TRIM15: variants seen among roughly 807,000 people sequenced by gnomAD.
TRIM15 encodes tripartite motif containing 15.
A neutral mutation model predicts 35.8 loss-of-function variants in TRIM15; 35 were observed. The observed-to-expected ratio is 0.98, with a 90% CI of 0.75 to 1.30. TRIM15 has a LOEUF of 1.30. TRIM15 is among the 50% of genes most tolerant of loss of function. TRIM15 has a pLI of 0.00. For synonymous variants in TRIM15, 252 were observed against 249.8 expected, an observed-to-expected ratio of 1.01 and a Z score of -0.08; for missense variants, 590 against 593.5, an observed-to-expected ratio of 0.99 and a Z score of 0.06.
intron 6 of TRIM15, among the ~76,000 whole-genome samples, chr6:30,171,397 G>A (rs932813008): frequency 2.6e-5 from 4 of 152,084 alleles, no homozygotes; most frequent in African/African-American, 9.7e-5. Context: ...CTACTGATTT[G>A]AACAAAAAAT....
intron 4 of TRIM15, 60 bp downstream of exon 4, chr6:30,169,323 G>A (rs1773849878): frequency 1.2e-6 from 2 of 1,605,768 alleles, no homozygotes; most frequent in African/African-American, 1.3e-5. Flanking sequence ...AATGGGAAGG[G>A]GCAGGGGCAC....
chr6:30,168,647 G>T (rs1011517134), intron 3 of TRIM15, 117 bp downstream of exon 3: 1 of 1,002,134 alleles, frequency 1.0e-6, no homozygotes, highest in Admixed American at 2.0e-5. Context: ...GGTTAACGGG[G>T]TGCAGATCCA....
rs185244143 is a variant in TRIM15 at position 30,165,324 on chromosome 6, C to A, written c.381+1259C>A. Among the ~76,000 whole-genome samples, 433 of 152,188 alleles carry A rather than the reference C, an allele frequency of 2.8e-3. 3 individuals are homozygous for A. Among genetic ancestry groups the A allele is most frequent in the African/African-American group, 0.01 (419 of 41,528 alleles). ...TGTGTCCATGTGTTCTCATTGTTCACCTCCCACTTATGAGTAAGAACATGT... is the reference window on the plus strand; with the variant it reads ...TGTGTCCATGTGTTCTCATTGTTCAACTCCCACTTATGAGTAAGAACATGT... On this transcript the variant is annotated intron_variant, in intron 1 of 6. Transcript: ENST00000376694.
At chr6:30,165,429 G>T (rs1446171808) in intron 1 of TRIM15, among the ~76,000 whole-genome samples, 1 of 152,196 alleles carries the variant, frequency 6.6e-6, no homozygotes, top group African/African-American at 2.4e-5. Context: ...CAAAGGACAT[G>T]AACACATCTT....
intron 6 of TRIM15, 85 bp from the exon 7 acceptor site, chr6:30,171,747 C>T: frequency 1.4e-6 from 2 of 1,433,908 alleles, no homozygotes; most frequent in Non-Finnish European, 1.8e-6. Context: ...GTCCAGTACT[C>T]CTTCTGCCTC....
chr6:30,167,485 C>T (rs1345176788), intron 2 of TRIM15, among the ~76,000 whole-genome samples: 1 of 152,220 alleles, frequency 6.6e-6, no homozygotes, highest in African/African-American at 2.4e-5. Context: ...TCTTGTATAT[C>T]ACATTTTACA....
At position 30,172,292 on chromosome 6, in the gene TRIM15, A is replaced by G. The variant is rs1063279; in HGVS notation, c.1341A>G (p.Lys447=). 1 of 1,612,864 alleles carries G rather than the reference A, an allele frequency of 6.2e-7. No individual in the cohort carries two copies. Residue 447 remains lysine (K), a synonymous_variant, in exon 7 of 7, where the codon AAA becomes AAG. Transcript: ENST00000376694. ...CCTTCACTGCCTCTTTCTCCGGCAA[A>G]GTCTTCCCTTTCTTTGCCGTCTGGA... The part of the protein sequence containing the change: ...IFTFTASFSG[K]VFPFFAVWKK...
At position 30,172,507 on chromosome 6, in the gene TRIM15, CT is replaced by C; in HGVS notation, c.*160del. On this transcript the variant is annotated 3_prime_UTR_variant, in exon 7 of 7. Transcript: ENST00000376694. ...CAGCGGTTGTTTTTACTTTATTTATCTTAGGCCCTCAGCTCCCTGACGTCCT... is the reference window on the plus strand; with the variant it reads ...CAGCGGTTGTTTTTACTTTATTTATCTAGGCCCTCAGCTCCCTGACGTCCT... 1 of 1,113,686 alleles carries C rather than the reference CT, an allele frequency of 9.0e-7. No individual in the cohort carries two copies. The highest frequency in any genetic ancestry group is 1.3e-6 in the Non-Finnish European group (1 of 779,868). 69.0% of individuals were successfully genotyped at this position (1,113,686 alleles called of 1,614,324 possible). A position where few individuals can be genotyped will look rare whatever the true frequency, so the allele number is the denominator to read the frequency against.
Position 30,169,900 on chromosome 6 carries a change from G to A in TRIM15, c.732-601G>A, listed in dbSNP as rs1227649277. ...CAGGGAGGATAAACCCAGGGTCCAT[G>A]AATCAGGAAGTGTCTCCAAACATGC... On this transcript the variant is annotated intron_variant, in intron 4 of 6. Coordinates refer to ENST00000376694, the MANE Select transcript of TRIM15 (RefSeq NM_033229.3). 5 of 200,602 alleles carry A rather than the reference G, an allele frequency of 2.5e-5. No homozygotes were observed. The East Asian group carries it at 7.4e-4, about 30-fold the overall frequency. The allele number at this position is 200,602 out of a possible 1,614,324, so 12.4% of individuals were successfully genotyped here. A position where few individuals can be genotyped will look rare whatever the true frequency, so the allele number is the denominator to read the frequency against.
intron 6 of TRIM15, among the ~76,000 whole-genome samples, chr6:30,171,626 G>A (rs113728904): frequency 1.1e-3 from 175 of 152,344 alleles, no homozygotes; most frequent in African/African-American, 3.7e-3. Context: ...AGGTGGTGGG[G>A]ATGCTGCTGG....
intron 2 of TRIM15, 37 bp downstream of exon 2, chr6:30,167,308 G>A (rs756974646): frequency 1.5e-5 from 23 of 1,573,972 alleles, no homozygotes; most frequent in Non-Finnish European, 2.0e-5. Context: ...TTCCTTTGAA[G>A]GTTTTCTTAA....
At position 30,172,216 on chromosome 6, in the gene TRIM15, A is replaced by T. The variant is rs766319104; in HGVS notation, c.1265A>T (p.Glu422Val). The change falls in exon 7 of 7, where the codon GAG (glutamate) becomes GTG (valine). Residue 422 changes from glutamate to valine, a missense_variant. Transcript: ENST00000376694. ...PRGVRVALDYEAGQVTLHNAQ... is the reference protein window; with the variant it reads ...PRGVRVALDYVAGQVTLHNAQ... Reference sequence around the variant, plus strand: ...GGCGTGAGAGTCGCCCTGGACTACGAGGCGGGGCAGGTGACCCTCCACAAC... The same window carrying T: ...GGCGTGAGAGTCGCCCTGGACTACGTGGCGGGGCAGGTGACCCTCCACAAC... 4 of 1,611,840 alleles carry T rather than the reference A, an allele frequency of 2.5e-6. No homozygotes were observed. The highest frequency in any genetic ancestry group is 3.4e-6 in the Non-Finnish European group (4 of 1,179,580).
Position 30,172,106 on chromosome 6 carries a change from C to A in TRIM15, c.1155C>A (p.Gly385=). The change falls in exon 7 of 7, where the codon GGC becomes GGA. Residue 385 remains glycine, a synonymous_variant. Coordinates refer to ENST00000376694, the MANE Select transcript of TRIM15 (RefSeq NM_033229.3). ...KGEMGLSAED[G]VWAVIISHQQ... is the part of the protein sequence containing the mutation. Reference sequence around the variant, plus strand: ...AGATGGGACTCAGCGCCGAGGACGGCGTCTGGGCCGTGATCATCTCGCACC... The same window carrying A: ...AGATGGGACTCAGCGCCGAGGACGGAGTCTGGGCCGTGATCATCTCGCACC... 1 of 1,577,724 alleles carries A rather than the reference C, an allele frequency of 6.3e-7. No individual in the cohort carries two copies.
chr6:30,168,418 G>A lies in TRIM15; in HGVS notation c.596G>A (p.Trp199Ter), dbSNP rs1285548907. The A allele has an allele frequency of 6.2e-7, 1 of 1,612,908 alleles. No homozygotes were observed. Among genetic ancestry groups the A allele is most frequent in the South Asian group, 1.1e-5 (1 of 91,036 alleles). The part of the protein sequence containing the change: ...ARLRELEQQI[W>*]KERDEYITKV... Reference sequence around the variant, plus strand: ...CTGAGGGAGCTGGAGCAGCAGATTTGGAAGGAGAGGGATGAATATATCACA... The same window carrying A: ...CTGAGGGAGCTGGAGCAGCAGATTTAGAAGGAGAGGGATGAATATATCACA... The change falls in exon 3 of 7, where the codon TGG becomes TAG. Residue 199 changes from tryptophan to a stop codon, truncating the protein, a stop_gained. Coordinates refer to ENST00000376694, the MANE Select transcript of TRIM15 (RefSeq NM_033229.3). LOFTEE classifies it high-confidence loss of function.
At position 30,172,627 on chromosome 6, in the gene TRIM15, G is replaced by A. The variant is rs988096294; in HGVS notation, c.*278G>A. On this transcript the variant is annotated 3_prime_UTR_variant, in exon 7 of 7. Transcript: ENST00000376694. ...GCCTAGGGCAACAGCCAACCTAGGA[G>A]CCAGCGGGCTTTCGGGGAAAAAAAA... The A allele has an allele frequency of 2.5e-5, 17 of 669,288 alleles. No homozygotes were observed. Among genetic ancestry groups the A allele is most frequent in the East Asian group, 8.4e-5 (3 of 35,792 alleles). 41.5% of individuals were successfully genotyped at this position (669,288 alleles called of 1,614,324 possible). A position where few individuals can be genotyped will look rare whatever the true frequency, so the allele number is the denominator to read the frequency against.
At chr6:30,170,664 C>T (rs946742881) in intron 5 of TRIM15, 48 bp downstream of exon 5, 1 of 1,443,640 alleles carries the variant, frequency 6.9e-7, no homozygotes, top group Non-Finnish European at 9.6e-7. Context: ...TAGCTGCCCT[C>T]CTGTCTTCCA....
At position 30,168,441 on chromosome 6, in the gene TRIM15, A is replaced by T. The variant is rs369181343; in HGVS notation, c.619A>T (p.Thr207Ser). 386 of 1,612,548 alleles carry T rather than the reference A, an allele frequency of 2.4e-4. 28 individuals carry two copies. The highest frequency in any genetic ancestry group is 1.6e-3 in the East Asian group (72 of 44,872). Reference sequence around the variant, plus strand: ...TTGGAAGGAGAGGGATGAATATATCACAAAGGTCTCTGAGGAAGTCACCCG... The same window carrying T: ...TTGGAAGGAGAGGGATGAATATATCTCAAAGGTCTCTGAGGAAGTCACCCG... ...QIWKERDEYI[T>S]KVSEEVTRLG... The change falls in exon 3 of 7, where the codon ACA becomes TCA. Residue 207 changes from threonine to serine, a missense_variant. Physicochemically the swap from Thr to Ser is moderately conservative, Grantham distance 58. Transcript: ENST00000376694.
In TRIM15 at chr6:30,171,038, C is replaced by A. The variant is rs1211155882; in HGVS notation, c.880+30C>A. The A allele has an allele frequency of 2.5e-6, 4 of 1,606,250 alleles. No homozygotes were observed. The African/African-American group carries it at 5.4e-5, about 22-fold the overall frequency. ...ACAGCTTGGGATTTGGGGAGTCATT[C>A]TTCCATTCATCCATTCAATCCATGG... On this transcript the variant is annotated intron_variant, in intron 6 of 6. Transcript: ENST00000376694.
At chr6:30,171,357 T>C (rs1349948507) in intron 6 of TRIM15, among the ~76,000 whole-genome samples, 5 of 152,236 alleles carry the variant, frequency 3.3e-5, no homozygotes, top group Admixed American at 3.3e-4. Flanking sequence ...TATCAAGCCC[T>C]AGTTTTTTGA....
Sources: allele counts gnomAD v4.1 joint callset (sites outside exome capture counted in the v4.1 genomes callset), GRCh38; gene constraint gnomAD v4.1.1; transcripts MANE v1.5; gene names NCBI Gene and HGNC (gene_info 2026-07-23, HGNC 2026-07-21).